Variants in OR51E2 observed in about 807,000 individuals in gnomAD.
OR51E2 encodes olfactory receptor family 51 subfamily E member 2, also known as olfactory receptor 51E2.
In OR51E2, 14 loss-of-function variants were observed where a neutral mutation model predicts 13.7. That is an observed-to-expected ratio of 1.02 (90% CI 0.68 to 1.60). OR51E2 has a LOEUF of 1.60. Among genes scored for constraint, OR51E2 ranks in the 40% most tolerant of loss-of-function variants. The probability of loss-of-function intolerance (pLI) is 0.00; values close to 1 mark genes in which losing one functional copy is unlikely to be tolerated. For synonymous variants in OR51E2, 180 were observed against 157.6 expected, an observed-to-expected ratio of 1.14 and a Z score of -1.07; for missense variants, 483 against 413.8, an observed-to-expected ratio of 1.17 and a Z score of -1.45.
intron 1 of OR51E2, among the ~76,000 whole-genome samples, chr11:4,696,154 G>A (rs749499235): frequency 2.0e-5 from 3 of 152,044 alleles, no homozygotes; most frequent in Non-Finnish European, 4.4e-5. Context: ...TGCTGCATGT[G>A]GTGAATAAAA....
At chr11:4,691,563 A>G (rs1589874691) in intron 1 of OR51E2, 1 of 456,990 alleles carries the variant, frequency 2.2e-6, no homozygotes, top group Non-Finnish European at 4.4e-6. Context: ...AGCGAAGAGG[A>G]TCAGGCTGTT....
At chr11:4,688,072 T>C (rs1421922544) in intron 1 of OR51E2, among the ~76,000 whole-genome samples, 2 of 152,182 alleles carry the variant, frequency 1.3e-5, no homozygotes, top group African/African-American at 2.4e-5. Context: ...GGCCCTGTTT[T>C]AGGGCTGGGA....
chr11:4,694,067 G>A (rs950285259), intron 1 of OR51E2, among the ~76,000 whole-genome samples: 4 of 152,030 alleles, frequency 2.6e-5, no homozygotes, highest in African/African-American at 9.7e-5. Flanking sequence ...TTGTCATTGT[G>A]TTGTAGGACA....
chr11:4,692,018 A>G (rs1317820824), intron 1 of OR51E2: 2 of 332,412 alleles, frequency 6.0e-6, no homozygotes, highest in Non-Finnish European at 1.2e-5. Context: ...CTAAGAATAA[A>G]CACTTTACCC....
intron 1 of OR51E2, among the ~76,000 whole-genome samples, chr11:4,696,559 T>TTAAGTGTTTATATTAAGTATATA (rs1847658838): frequency 6.6e-6 from 1 of 152,178 alleles, no homozygotes; most frequent in Non-Finnish European, 1.5e-5. Context: ...TGAAAAAATC[T>TTAAGTGTTTATATTAAGTATATA]TAAGTGTTTA....
In OR51E2 at chr11:4,681,997, T is replaced by C; in HGVS notation, c.715A>G (p.Thr239Ala). The C allele has an allele frequency of 3.1e-6, 5 of 1,614,140 alleles. No homozygotes were observed. Among genetic ancestry groups the C allele is most frequent in the Non-Finnish European group, 4.2e-6 (5 of 1,180,032 alleles). The change falls in exon 2 of 2, where the codon ACC becomes GCC. Residue 239 changes from threonine to alanine, a missense_variant. Thr to Ala is a moderately conservative substitution (Grantham distance 58, BLOSUM62 0). Transcript: ENST00000396950. Reference protein sequence around the residue: ...SKSERAKAFGTCVSHIGVVLA... With the variant: ...SKSERAKAFGACVSHIGVVLA... ...ACCACACCAATGTGTGACACACAGG[T>C]TCCAAAGGCCTTGGCCCGCTCTGAC...
At chr11:4,689,505 G>GTTGGAA (rs1564886867) in intron 1 of OR51E2, among the ~76,000 whole-genome samples, 7 of 152,126 alleles carry the variant, frequency 4.6e-5, no homozygotes, top group Non-Finnish European at 8.8e-5. Context: ...CTGTAGATAC[G>GTTGGAA]AATGATTACT....
chr11:4,681,731 G>A lies in OR51E2; in HGVS notation c.*18C>T, dbSNP rs771265272. The A allele has an allele frequency of 3.5e-5, 56 of 1,610,626 alleles. No homozygotes were observed. Among genetic ancestry groups the A allele is most frequent in the Non-Finnish European group, 4.7e-5 (55 of 1,177,108 alleles). On this transcript the variant is annotated 3_prime_UTR_variant, in exon 2 of 2. Transcript: ENST00000396950. ...TTTATCAAGCCAATAAAGATAAGGA[G>A]AAGTGTAGTGTTAAGGGTCACTTGC...
intron 1 of OR51E2, among the ~76,000 whole-genome samples, chr11:4,696,312 C>T (rs1297833965): frequency 6.6e-6 from 1 of 152,152 alleles, no homozygotes; most frequent in Non-Finnish European, 1.5e-5. Context: ...CAGCAAACGA[C>T]ATCGAACTCT....
intron 1 of OR51E2, among the ~76,000 whole-genome samples, chr11:4,683,703 A>C (rs1847483507): frequency 6.6e-6 from 1 of 152,238 alleles, no homozygotes; most frequent in Admixed American, 6.5e-5. Flanking sequence ...AACTTGTGCC[A>C]ACAAGTCATT....
chr11:4,694,338 T>A (rs920330189), intron 1 of OR51E2, among the ~76,000 whole-genome samples: 2 of 151,912 alleles, frequency 1.3e-5, no homozygotes, highest in African/African-American at 2.4e-5. Flanking sequence ...TTTACAAGCA[T>A]ATCTTCCTGC....
At chr11:4,687,421 G>T (rs1171633815) in intron 1 of OR51E2, among the ~76,000 whole-genome samples, 1 of 152,130 alleles carries the variant, frequency 6.6e-6, no homozygotes, top group African/African-American at 2.4e-5. Flanking sequence ...TAGGATCAGG[G>T]TATACTAGGT....
chr11:4,693,861 A>G (rs1847619187), intron 1 of OR51E2, among the ~76,000 whole-genome samples: 1 of 152,226 alleles, frequency 6.6e-6, no homozygotes, highest in African/African-American at 2.4e-5. Context: ...AAAGGACAAC[A>G]CAAATAAAAC....
At chr11:4,693,057 T>C (rs1847606389) in intron 1 of OR51E2, among the ~76,000 whole-genome samples, 1 of 152,162 alleles carries the variant, frequency 6.6e-6, no homozygotes, top group Admixed American at 6.6e-5. Context: ...ATAAGAATTA[T>C]AGTTAATGTA....
chr11:4,692,567 T>A (rs1847596209), intron 1 of OR51E2, among the ~76,000 whole-genome samples: 1 of 152,224 alleles, frequency 6.6e-6, no homozygotes, highest in Non-Finnish European at 1.5e-5. Context: ...ATCACATTTC[T>A]TTTTTCATAG....
At position 4,681,188 on chromosome 11, in the gene OR51E2, A is replaced by G. The variant is rs182877217; in HGVS notation, c.*561T>C. 36 of 156,958 alleles carry G rather than the reference A, an allele frequency of 2.3e-4. No individual in the cohort carries two copies. The highest frequency in any genetic ancestry group is 4.2e-4 in the Non-Finnish European group (30 of 71,084). 9.7% of individuals were successfully genotyped at this position (156,958 alleles called of 1,614,324 possible). On this transcript the variant is annotated 3_prime_UTR_variant, in exon 2 of 2. Transcript: ENST00000396950. ...AACATGGTGAAACTCTGTCTCTACTAAAAAATACAGAAAATTAGCCAGTCA... is the reference window on the plus strand; with the variant it reads ...AACATGGTGAAACTCTGTCTCTACTGAAAAATACAGAAAATTAGCCAGTCA...
chr11:4,684,955 A>T (rs1313003979), intron 1 of OR51E2: 1 of 152,178 alleles, frequency 6.6e-6, no homozygotes, highest in Non-Finnish European at 1.5e-5. Flanking sequence ...ATGGGACACA[A>T]GGGCTTCTCC....
chr11:4,694,061 C>T (rs1847621242), intron 1 of OR51E2, among the ~76,000 whole-genome samples: 1 of 152,090 alleles, frequency 6.6e-6, no homozygotes, highest in African/African-American at 2.4e-5. Flanking sequence ...TAATTTTTGT[C>T]ATTGTGTTGT....
intron 1 of OR51E2, among the ~76,000 whole-genome samples, chr11:4,694,641 C>T (rs1387751876): frequency 6.6e-6 from 1 of 151,714 alleles, no homozygotes; most frequent in African/African-American, 2.4e-5. Flanking sequence ...AGTCTAGGGA[C>T]TCTTACTGAA....
Sources: allele counts gnomAD v4.1 joint callset (sites outside exome capture counted in the v4.1 genomes callset), GRCh38; gene constraint gnomAD v4.1.1; transcripts MANE v1.5; gene names NCBI Gene and HGNC (gene_info 2026-07-23, HGNC 2026-07-21).